The following TMTC3 variants were observed in gnomAD, a reference collection of about 807,000 sequenced individuals.
TMTC3 encodes the protein protein O-mannosyl-transferase TMTC3.
A neutral mutation model predicts 92.2 loss-of-function variants in TMTC3; 52 were observed. That is an observed-to-expected ratio of 0.56 (90% CI 0.45 to 0.71). TMTC3 has a LOEUF of 0.71. TMTC3 is among the 30% of genes least tolerant of loss of function. The probability of loss-of-function intolerance (pLI) is 0.00; values close to 1 mark genes in which losing one functional copy is unlikely to be tolerated. For missense variants in TMTC3, 896 were observed against 1,057.1 expected, an observed-to-expected ratio of 0.85 and a Z score of 2.11; for synonymous variants, 339 against 363.3, an observed-to-expected ratio of 0.93 and a Z score of 0.76.
At chr12:88,150,742 T>A (rs2040932926) in intron 2 of TMTC3, among the ~76,000 whole-genome samples, 2 of 152,142 alleles carry the variant, frequency 1.3e-5, no homozygotes, top group African/African-American at 4.8e-5. Flanking sequence ...AATTAGCATA[T>A]TCAAAGATCT....
rs575682323 is a variant in TMTC3, at chr12:88,160,730, G to C, written c.676G>C (p.Gly226Arg). ...TTAGQFLRGK[G>R]SIPFSMLQTL... ...TGCTGGACAGTTTCTCCGTGGAAAG[G>C]GTAGCATTCCATTTTCTATGCTGCA... is the stretch of plus-strand genomic sequence containing the variant. Residue 226 changes from glycine to arginine, a missense_variant, in exon 6 of 14, where the codon GGT (glycine) becomes CGT (arginine). By Grantham distance (125) the Gly-to-Arg change is moderately radical. Coordinates refer to ENST00000266712, the MANE Select transcript of TMTC3 (RefSeq NM_181783.4). 8 of 1,613,494 alleles carry C rather than the reference G, an allele frequency of 5.0e-6. No homozygotes were observed. The East Asian group carries it at 1.6e-4, about 32-fold the overall frequency.
intron 6 of TMTC3, among the ~76,000 whole-genome samples, chr12:88,164,737 C>T (rs1455030005): frequency 2.0e-5 from 3 of 152,162 alleles, no homozygotes; most frequent in Non-Finnish European, 4.4e-5. Flanking sequence ...AAAAGGCCAA[C>T]ATGTTATTCA....
At chr12:88,189,328 G>A (rs1261600595) in intron 11 of TMTC3, among the ~76,000 whole-genome samples, 2 of 151,914 alleles carry the variant, frequency 1.3e-5, no homozygotes, top group African/African-American at 2.4e-5. Flanking sequence ...TCCAGACCTC[G>A]TGATCTGCCC....
At chr12:88,159,086 A>C (rs2041045301) in intron 4 of TMTC3, among the ~76,000 whole-genome samples, 1 of 151,688 alleles carries the variant, frequency 6.6e-6, no homozygotes. Context: ...AAAAAAGAAA[A>C]CCAAACTGAG....
intron 2 of TMTC3, among the ~76,000 whole-genome samples, chr12:88,152,071 G>A (rs775427623): frequency 5.3e-5 from 8 of 152,318 alleles, no homozygotes; most frequent in East Asian, 1.9e-4. Context: ...ATAGGAAGTA[G>A]AAGAGCAAAG....
intron 2 of TMTC3, among the ~76,000 whole-genome samples, chr12:88,150,432 A>T (rs559522279): frequency 2.6e-5 from 4 of 152,294 alleles, no homozygotes; most frequent in Admixed American, 6.5e-5. Flanking sequence ...TTGGGCAGGG[A>T]CACACACATA....
intron 4 of TMTC3, among the ~76,000 whole-genome samples, chr12:88,157,394 C>T (rs895765139): frequency 1.3e-5 from 2 of 151,666 alleles, no homozygotes; most frequent in Admixed American, 6.6e-5. Context: ...CTTCTATATT[C>T]ATGTCCCATA....
At chr12:88,179,390 C>T (rs1212640054) in intron 10 of TMTC3, among the ~76,000 whole-genome samples, 1 of 152,098 alleles carries the variant, frequency 6.6e-6, no homozygotes, top group African/African-American at 2.4e-5. Context: ...AAATTTAGTT[C>T]AATCACTCTA....
At chr12:88,165,749 GTTACTAC>G (rs2041136089) in intron 6 of TMTC3, among the ~76,000 whole-genome samples, 1 of 152,088 alleles carries the variant, frequency 6.6e-6, no homozygotes, top group African/African-American at 2.4e-5. Flanking sequence ...GGCCTACACA[GTTACTAC>G]TTTGTACTAG....
chr12:88,184,561 A>G (rs894457932), intron 10 of TMTC3, among the ~76,000 whole-genome samples: 3 of 152,234 alleles, frequency 2.0e-5, no homozygotes, highest in South Asian at 2.1e-4. Context: ...AAAGTGATGT[A>G]TAATGCAGGG....
intron 10 of TMTC3, among the ~76,000 whole-genome samples, chr12:88,180,570 C>T (rs1456280710): frequency 6.6e-6 from 1 of 152,106 alleles, no homozygotes. Flanking sequence ...AACAGGATTC[C>T]CTCAGCCTCC....
At chr12:88,168,624 G>A in intron 7 of TMTC3, among the ~76,000 whole-genome samples, 2 of 152,172 alleles carry the variant, frequency 1.3e-5, no homozygotes, top group East Asian at 3.9e-4. Context: ...TTGGCTTGCA[G>A]GAACATATTT....
At chr12:88,182,775 A>G (rs557288792) in intron 10 of TMTC3, among the ~76,000 whole-genome samples, 6 of 152,334 alleles carry the variant, frequency 3.9e-5, no homozygotes, top group Non-Finnish European at 7.4e-5. Flanking sequence ...GACACATGGT[A>G]GGACTGTTCA....
intron 1 of TMTC3, among the ~76,000 whole-genome samples, chr12:88,146,288 C>T (rs2040872710): frequency 6.6e-6 from 1 of 152,090 alleles, no homozygotes; most frequent in Non-Finnish European, 1.5e-5. Flanking sequence ...CCTTTTATAA[C>T]TTCTTCCCCA....
rs1361482180 is a variant in TMTC3 at position 88,195,763 on chromosome 12, T to C, written c.*114T>C. 8 of 771,262 alleles carry C rather than the reference T, an allele frequency of 1.0e-5. No homozygotes were observed. The highest frequency in any genetic ancestry group is 1.6e-5 in the Non-Finnish European group (8 of 496,472). 47.8% of individuals were successfully genotyped at this position (771,262 alleles called of 1,614,324 possible). A position where few individuals can be genotyped will look rare whatever the true frequency, so the allele number is the denominator to read the frequency against. On this transcript the variant is annotated 3_prime_UTR_variant, in exon 14 of 14. Transcript: ENST00000266712. ...GGGTTCCTAATGGTCAATCATGAGC[T>C]GCCTTGAAGTAGGATCAAAATAAGA...
At chr12:88,190,659 A>G (rs1178456531) in intron 12 of TMTC3, 37 bp downstream of exon 12, 1 of 1,592,156 alleles carries the variant, frequency 6.3e-7, no homozygotes, top group Admixed American at 1.7e-5. Flanking sequence ...ATTATGGAAT[A>G]TTGAAACTGC....
intron 10 of TMTC3, among the ~76,000 whole-genome samples, chr12:88,183,748 C>G (rs1000772361): frequency 3.9e-5 from 6 of 152,096 alleles, no homozygotes; most frequent in African/African-American, 1.4e-4. Flanking sequence ...TCTAGCATAC[C>G]TTCTTCTGGG....
At chr12:88,180,193 G>A (rs2041301669) in intron 10 of TMTC3, among the ~76,000 whole-genome samples, 1 of 152,136 alleles carries the variant, frequency 6.6e-6, no homozygotes, top group Non-Finnish European at 1.5e-5. Flanking sequence ...TTGCATCCTA[G>A]AATTAGTAAA....
intron 6 of TMTC3, among the ~76,000 whole-genome samples, 165 bp downstream of exon 6, chr12:88,161,016 T>G (rs1213134363): frequency 6.6e-6 from 1 of 152,108 alleles, no homozygotes; most frequent in African/African-American, 2.4e-5. Flanking sequence ...TACTGATAAT[T>G]TTTGACATAT....
Sources: gnomAD v4.1 joint callset for allele counts (sites outside exome capture counted in the v4.1 genomes callset) on GRCh38, gnomAD v4.1.1 for gene constraint, MANE v1.5 for transcripts, NCBI Gene and HGNC (gene_info 2026-07-23, HGNC 2026-07-21) for gene names.